The following SDK1 variants were observed in gnomAD, a reference collection of about 807,000 sequenced individuals.
SDK1 encodes the protein protein sidekick-1.
Under a neutral mutation model 245.5 loss-of-function variants are expected in SDK1, and 157 were observed. The ratio of observed to expected loss-of-function variants is 0.64; its 90% CI spans 0.56 to 0.73. The LOEUF is 0.73. SDK1 is among the 30% of genes least tolerant of loss of function. SDK1 has a pLI of 0.00. For synonymous variants in SDK1, 1,647 were observed against 1,278.5 expected (o/e 1.29, Z -6.15); for missense variants, 3,583 against 3,002.3 (o/e 1.19, Z -4.52).
intron 42 of SDK1, among the ~76,000 whole-genome samples, chr7:4,239,742 A>T (rs920995898): frequency 7.2e-5 from 11 of 152,344 alleles, no homozygotes; most frequent in Admixed American, 2.0e-4. Context: ...CTTCTGTGAT[A>T]TCACCACAAC....
chr7:3,981,094 A>G (rs952072516), intron 13 of SDK1, among the ~76,000 whole-genome samples: 3 of 152,112 alleles, frequency 2.0e-5, no homozygotes, highest in South Asian at 2.1e-4. Flanking sequence ...TATTGATGCA[A>G]TTTTTCCAAC....
At chr7:3,628,865 C>T (rs1782197752) in intron 2 of SDK1, among the ~76,000 whole-genome samples, 1 of 152,118 alleles carries the variant, frequency 6.6e-6, no homozygotes, top group South Asian at 2.1e-4. Context: ...TGCTTACTGC[C>T]TTGAGGGGAT....
chr7:3,630,296 G>C (rs1182098829), intron 2 of SDK1, among the ~76,000 whole-genome samples: 2 of 152,162 alleles, frequency 1.3e-5, no homozygotes, highest in African/African-American at 2.4e-5. Flanking sequence ...AAGGCATCCA[G>C]ATTGTAAAGA....
intron 23 of SDK1, 52 bp downstream of exon 23, chr7:4,110,824 C>G (rs757595033): frequency 6.3e-5 from 81 of 1,285,922 alleles, no homozygotes; most frequent in Non-Finnish European, 8.7e-5. Context: ...GCAGCCCAGG[C>G]AGGTGCCTTC....
At chr7:4,142,389 C>T (rs1315181692) in intron 28 of SDK1, among the ~76,000 whole-genome samples, 6 of 152,176 alleles carry the variant, frequency 3.9e-5, no homozygotes, top group Admixed American at 1.3e-4. Context: ...AGTGCAGTGA[C>T]GTGATCTCGG....
rs552037915 is a variant in SDK1 at position 3,885,000 on chromosome 7, C to G, written c.847+63417C>G. On this transcript the variant is annotated intron_variant, in intron 5 of 44. Transcript: ENST00000404826. ...AGGAGATAGGAAGGTGATGTCCTTTCACCCTTGACCTCCTAGTGTGTCTCC... is the reference window on the plus strand; with the variant it reads ...AGGAGATAGGAAGGTGATGTCCTTTGACCCTTGACCTCCTAGTGTGTCTCC... 2.0e-5 allele frequency among the ~76,000 whole-genome samples: 3 copies of G among 152,336 alleles called. No homozygotes were observed. The South Asian group carries it at 6.2e-4, about 32-fold the overall frequency.
At chr7:3,905,473 G>T (rs1778867229) in intron 5 of SDK1, among the ~76,000 whole-genome samples, 1 of 152,050 alleles carries the variant, frequency 6.6e-6, no homozygotes, top group Admixed American at 6.6e-5. Context: ...TCTGCTTTCA[G>T]TATAATTATT....
intron 2 of SDK1, among the ~76,000 whole-genome samples, chr7:3,620,490 A>C (rs1039736430): frequency 1.3e-5 from 2 of 151,992 alleles, no homozygotes; most frequent in African/African-American, 4.8e-5. Context: ...TTTAGTAGAG[A>C]TGGGGTTTCA....
intron 21 of SDK1, among the ~76,000 whole-genome samples, chr7:4,078,310 G>A (rs771906779): frequency 3.3e-5 from 5 of 152,186 alleles, no homozygotes; most frequent in African/African-American, 7.2e-5. Flanking sequence ...TCTGTTTACC[G>A]TGCTTGAAGT....
At chr7:3,981,173 A>G (rs1347546985) in intron 13 of SDK1, among the ~76,000 whole-genome samples, 2 of 152,130 alleles carry the variant, frequency 1.3e-5, no homozygotes, top group African/African-American at 2.4e-5. Flanking sequence ...CTTTGTCACT[A>G]TGATTGTATC....
chr7:4,070,661 G>A (rs1239985610), intron 20 of SDK1, among the ~76,000 whole-genome samples: 2 of 151,256 alleles, frequency 1.3e-5, no homozygotes, highest in African/African-American at 4.9e-5. Context: ...AGAGCGGTGT[G>A]CCCACAGCCC....
chr7:3,605,636 T>C (rs977367954), intron 1 of SDK1, among the ~76,000 whole-genome samples: 9 of 152,188 alleles, frequency 5.9e-5, no homozygotes, highest in African/African-American at 1.9e-4. Flanking sequence ...CCTTTTTTTT[T>C]CCAGAGTAAT....
At chr7:3,988,350 T>C (rs1415708287) in intron 14 of SDK1, among the ~76,000 whole-genome samples, 1 of 151,806 alleles carries the variant, frequency 6.6e-6, no homozygotes, top group Non-Finnish European at 1.5e-5. Context: ...CTCAGACCAC[T>C]GGTACCTCTC....
chr7:4,172,683 T>C (rs1435745522), intron 32 of SDK1, among the ~76,000 whole-genome samples: 1 of 152,134 alleles, frequency 6.6e-6, no homozygotes, highest in East Asian at 1.9e-4. Context: ...AAGTCCAAAC[T>C]CAAGGTGTCG....
chr7:3,536,337 A>G (rs1470555109), intron 1 of SDK1, among the ~76,000 whole-genome samples: 2 of 151,318 alleles, frequency 1.3e-5, no homozygotes, highest in Non-Finnish European at 2.9e-5. Flanking sequence ...AAGTGTTGGG[A>G]TTATAGGTGT....
In SDK1 at chr7:4,074,856, T is replaced by TACTTTCTC. The variant is rs1486926440; in HGVS notation, c.3011-2142_3011-2141insACTTTCTC. Among the ~76,000 whole-genome samples, 584 of 71,828 alleles carry TACTTTCTC rather than the reference T, an allele frequency of 8.1e-3. 18 individuals are homozygous for TACTTTCTC. Among genetic ancestry groups the TACTTTCTC allele is most frequent in the Admixed American group, 0.016 (122 of 7,716 alleles). 47.1% of individuals were successfully genotyped at this position (71,828 alleles called of 152,430 possible). A position where few individuals can be genotyped will look rare whatever the true frequency, so the allele number is the denominator to read the frequency against. On this transcript the variant is annotated intron_variant, in intron 20 of 44. Coordinates refer to ENST00000404826, the MANE Select transcript of SDK1 (RefSeq NM_152744.4). ...CCAGCCTGGGCAACAGAGCAAGACT[T>TACTTTCTC]TCTCTCTCTCTCTCTCTCTCTCTCT...
At chr7:3,849,976 G>A (rs546606859) in intron 5 of SDK1, among the ~76,000 whole-genome samples, 8 of 152,290 alleles carry the variant, frequency 5.3e-5, no homozygotes, top group African/African-American at 7.2e-5. Context: ...TTCATAAGTC[G>A]AAATGACCAA....
At chr7:3,728,956 A>T (rs1314504069) in intron 4 of SDK1, among the ~76,000 whole-genome samples, 1 of 152,054 alleles carries the variant, frequency 6.6e-6, no homozygotes, top group African/African-American at 2.4e-5. Context: ...CTCTAGAAAA[A>T]CTTGTATTTA....
chr7:3,572,178 A>G (rs1347604348), intron 1 of SDK1, among the ~76,000 whole-genome samples: 2 of 152,098 alleles, frequency 1.3e-5, no homozygotes, highest in Non-Finnish European at 2.9e-5. Context: ...GATAGAACTA[A>G]TAAGTTAGTA....
Sources: gnomAD v4.1 joint callset for allele counts (sites outside exome capture counted in the v4.1 genomes callset) on GRCh38, gnomAD v4.1.1 for gene constraint, MANE v1.5 for transcripts, NCBI Gene and HGNC (gene_info 2026-07-23, HGNC 2026-07-21) for gene names.